Variants in CELF2 observed in about 807,000 individuals in gnomAD.
The protein encoded by CELF2 is CUGBP Elav-like family member 2.
In CELF2, 8 loss-of-function variants were observed where a neutral mutation model predicts 62.6. The ratio of observed to expected loss-of-function variants is 0.13; its 90% CI spans 0.07 to 0.23. The LOEUF (loss-of-function observed/expected upper bound fraction) is 0.23. CELF2 is among the 10% of genes least tolerant of loss of function. The probability of loss-of-function intolerance (pLI) is 1.00; values close to 1 mark genes in which losing one functional copy is unlikely to be tolerated. For synonymous variants in CELF2, 258 were observed against 250.0 expected (o/e 1.03, Z -0.30); for missense variants, 333 against 671.0 (o/e 0.50, Z 5.56).
chr10:10,676,416 T>A, the CELF2 span, among the ~76,000 whole-genome samples: 1 of 152,188 alleles, frequency 6.6e-6, no homozygotes. Flanking sequence ...TTCCTAAGGG[T>A]AGACTTTGTT....
intron 1 of CELF2, among the ~76,000 whole-genome samples, chr10:10,882,310 C>A (rs929669214): frequency 3.9e-5 from 6 of 152,192 alleles, no homozygotes. Flanking sequence ...GGCAGTGAAT[C>A]CCCGGAGTGG....
chr10:10,763,715 A>G, the CELF2 span, among the ~76,000 whole-genome samples: 1 of 152,218 alleles, frequency 6.6e-6, no homozygotes, highest in Non-Finnish European at 1.5e-5. Context: ...TTCACTAGAC[A>G]AAAATACAAC....
At chr10:10,578,438 T>C in the CELF2 span, among the ~76,000 whole-genome samples, 1 of 152,192 alleles carries the variant, frequency 6.6e-6, no homozygotes, top group Admixed American at 6.5e-5. Context: ...TCCTTGCCCA[T>C]GCCTATGTCC....
At chr10:10,911,173 C>T (rs2063779030) in intron 1 of CELF2, among the ~76,000 whole-genome samples, 2 of 152,126 alleles carry the variant, frequency 1.3e-5, no homozygotes, top group East Asian at 1.9e-4. Context: ...CTCGAAATGA[C>T]GGAAGGGACA....
intron 2 of CELF2, among the ~76,000 whole-genome samples, chr10:11,186,455 T>C (rs2074964340): frequency 6.6e-6 from 1 of 152,188 alleles, no homozygotes; most frequent in Admixed American, 6.5e-5. Context: ...AATGAAAGTA[T>C]ATAATGGTAT....
At chr10:11,089,948 C>G (rs1439172441) in intron 1 of CELF2, among the ~76,000 whole-genome samples, 1 of 152,122 alleles carries the variant, frequency 6.6e-6, no homozygotes. Flanking sequence ...CACATGTTGT[C>G]ACTTGAAAGT....
intron 2 of CELF2, among the ~76,000 whole-genome samples, chr10:11,188,925 C>G (rs2075660612): frequency 6.6e-6 from 1 of 152,178 alleles, no homozygotes; most frequent in Admixed American, 6.5e-5. Context: ...GTGTTTTCTT[C>G]ATCTCAGACA....
chr10:10,532,451 A>C, the CELF2 span, among the ~76,000 whole-genome samples: 1 of 152,212 alleles, frequency 6.6e-6, no homozygotes, highest in Admixed American at 6.5e-5. Context: ...CTGTTACCAA[A>C]GCAGCACTTT....
At position 11,269,860 on chromosome 10, in the gene CELF2, A is replaced by G. The variant is rs540751133; in HGVS notation, c.619-806A>G. 6.6e-6 allele frequency among the ~76,000 whole-genome samples: 1 copy of G among 152,338 alleles called. No homozygotes were observed. The highest frequency in any genetic ancestry group is 1.9e-4 in the East Asian group (1 of 5,188). ...CCCCTACTCCTTGCCTTTTAAAGGA[A>G]ATTAAAACTGAAAGAAGCTGCTAGA... On this transcript the variant is annotated intron_variant, in intron 6 of 12. Transcript: ENST00000633077. This position sits in a 1 kb window ranked among gnomAD's most constrained non-coding sequence, Gnocchi z 4.4.
the CELF2 span, among the ~76,000 whole-genome samples, chr10:10,668,459 C>T: frequency 6.6e-6 from 1 of 152,296 alleles, no homozygotes; most frequent in East Asian, 1.9e-4. Flanking sequence ...ATGAAAGGTA[C>T]AGTTCCATGG....
chr10:10,645,445 G>A, the CELF2 span, among the ~76,000 whole-genome samples: 1 of 152,140 alleles, frequency 6.6e-6, no homozygotes, highest in African/African-American at 2.4e-5. Flanking sequence ...CTGAGCCTAG[G>A]AGTTTGCGAC....
chr10:11,015,145 T>C (rs990689545), upstream of CELF2, among the ~76,000 whole-genome samples: 1 of 152,168 alleles, frequency 6.6e-6, no homozygotes, highest in Non-Finnish European at 1.5e-5. This position sits in a 1 kb window ranked among gnomAD's most constrained non-coding sequence, Gnocchi z 4.8. Context: ...CAAAACATGA[T>C]ACCTGATGGC....
the CELF2 span, among the ~76,000 whole-genome samples, chr10:10,514,945 C>A: frequency 2.0e-5 from 3 of 152,152 alleles, no homozygotes; most frequent in South Asian, 4.1e-4. Flanking sequence ...ATTGGAATAA[C>A]CTCTGGAAGC....
Position 11,285,836 on chromosome 10 carries a change from T to G in CELF2, c.842-2582T>G, listed in dbSNP as rs1323018264. Among the ~76,000 whole-genome samples the G allele has an allele frequency of 1.6e-3, 48 of 29,938 alleles. No individual in the cohort carries two copies. The highest frequency in any genetic ancestry group is 4.8e-3 in the African/African-American group (47 of 9,704). 19.6% of individuals were successfully genotyped at this position (29,938 alleles called of 152,430 possible). A position where few individuals can be genotyped will look rare whatever the true frequency, so the allele number is the denominator to read the frequency against. The stretch of plus-strand genomic sequence containing the variant: ...CCTACTATATATATTGGTGTGTGTG[T>G]GTGTGTGTGTGTGTGTGTGTGTGTG... On this transcript the variant is annotated intron_variant, in intron 8 of 12. Transcript: ENST00000633077. This position sits in a 1 kb window ranked among gnomAD's most constrained non-coding sequence, Gnocchi z 4.3.
chr10:10,666,626 G>T, the CELF2 span, among the ~76,000 whole-genome samples: 1 of 134,238 alleles, frequency 7.4e-6, no homozygotes, highest in Admixed American at 7.2e-5. Context: ...ACTTTGGGAG[G>T]CCGAGGCGGG....
intron 4 of CELF2, among the ~76,000 whole-genome samples, chr10:11,251,242 A>G (rs545491992): frequency 1.3e-5 from 2 of 150,878 alleles, no homozygotes; most frequent in South Asian, 2.1e-4. Context: ...ATTTGACCTG[A>G]AATATCCCAG....
At chr10:10,932,933 G>T (rs1368815093) in intron 2 of CELF2, among the ~76,000 whole-genome samples, 2 of 152,116 alleles carry the variant, frequency 1.3e-5, no homozygotes, top group Non-Finnish European at 2.9e-5. Flanking sequence ...AATGAAATAT[G>T]AATTAGAAAA....
At chr10:11,043,792 C>T (rs565998873) in intron 1 of CELF2, among the ~76,000 whole-genome samples, 1 of 152,172 alleles carries the variant, frequency 6.6e-6, no homozygotes, top group Non-Finnish European at 1.5e-5. Context: ...ACTGGTCACC[C>T]GACCATCATC....
the CELF2 span, among the ~76,000 whole-genome samples, chr10:10,724,340 A>G: frequency 6.6e-6 from 1 of 152,134 alleles, no homozygotes; most frequent in African/African-American, 2.4e-5. Context: ...TTAAAAGTAC[A>G]AGATTAGGCT....
Sources: allele counts gnomAD v4.1 joint callset (sites outside exome capture counted in the v4.1 genomes callset), GRCh38; gene constraint gnomAD v4.1.1; non-coding constraint Gnocchi (gnomAD v3.1); transcripts MANE v1.5; gene names NCBI Gene and HGNC (gene_info 2026-07-23, HGNC 2026-07-21).